Variants in AXDND1 observed in about 807,000 individuals in gnomAD.
AXDND1 encodes the protein axonemal dynein light chain domain-containing protein 1.
In AXDND1, 110 loss-of-function variants were observed where a neutral mutation model predicts 137.5. The observed-to-expected ratio is 0.80, with a 90% CI of 0.69 to 0.94. The LOEUF is 0.94. Ranked by LOEUF, AXDND1 falls within the 40% of genes least tolerant of loss-of-function variation. The pLI is 0.00. For missense variants in AXDND1, 1,191 were observed against 1,169.8 expected, an observed-to-expected ratio of 1.02 and a Z score of -0.26; for synonymous variants, 414 against 399.7, an observed-to-expected ratio of 1.04 and a Z score of -0.43.
chr1:179,383,366 T>A, intron 7 of AXDND1, 76 bp from the exon 8 acceptor site: 1 of 1,046,352 alleles, frequency 9.6e-7, no homozygotes, highest in Non-Finnish European at 1.5e-6. Flanking sequence ...TCTTTACACA[T>A]ATTATATTCT....
intron 12 of AXDND1, among the ~76,000 whole-genome samples, chr1:179,427,815 A>T (rs952627140): frequency 2.6e-5 from 4 of 152,194 alleles, no homozygotes; most frequent in Admixed American, 1.3e-4. Context: ...CACATAGCTA[A>T]TAAATGGTGA....
chr1:179,510,126 C>T (rs1668894335), intron 21 of AXDND1, among the ~76,000 whole-genome samples: 1 of 152,126 alleles, frequency 6.6e-6, no homozygotes, highest in Non-Finnish European at 1.5e-5. Flanking sequence ...TAGAGTTTCA[C>T]CCTTTTCTGC....
chr1:179,552,828 A>C, intron 25 of AXDND1: 1 of 699,724 alleles, frequency 1.4e-6, no homozygotes, highest in East Asian at 2.7e-5. Context: ...TAGACTTCTG[A>C]GGTCAAAAGT....
rs150977148 is a variant in AXDND1 at position 179,474,812 on chromosome 1, C to T, written c.1997+6171C>T. ...GTAATGAGAAACTGAGTGTTCATAG[C>T]CAAGTCAATGGGGAAAATATCTCCA... On this transcript the variant is annotated intron_variant, in intron 17 of 25. Coordinates refer to ENST00000367618, the MANE Select transcript of AXDND1 (RefSeq NM_144696.6). Among the ~76,000 whole-genome samples, 92 of 152,326 alleles carry T rather than the reference C, an allele frequency of 6.0e-4. 1 individual carries two copies. The East Asian group carries it at 0.015, about 25-fold the overall frequency.
chr1:179,525,503 A>G (rs1670448371), intron 22 of AXDND1, 56 bp downstream of exon 22: 4 of 1,497,658 alleles, frequency 2.7e-6, no homozygotes, highest in Non-Finnish European at 3.6e-6. Flanking sequence ...ATACATACAT[A>G]CATATATTTT....
chr1:179,490,501 A>G (rs1166482155), intron 18 of AXDND1, among the ~76,000 whole-genome samples: 1 of 152,240 alleles, frequency 6.6e-6, no homozygotes, highest in African/African-American at 2.4e-5. Flanking sequence ...GCCAAAAGAA[A>G]TACCTCACAG....
intron 7 of AXDND1, 57 bp from the exon 8 acceptor site, chr1:179,383,385 T>C (rs758359644): frequency 3.1e-6 from 4 of 1,302,406 alleles, no homozygotes; most frequent in Non-Finnish European, 4.4e-6. Flanking sequence ...CTTTTTGCCA[T>C]TTGAGAATTC....
intron 12 of AXDND1, among the ~76,000 whole-genome samples, chr1:179,421,427 G>A (rs1162765467): frequency 7.6e-6 from 1 of 131,198 alleles, no homozygotes; most frequent in Admixed American, 8.5e-5. Flanking sequence ...CACCCAGGCT[G>A]TAGTGTAGTG....
chr1:179,445,133 A>G lies in AXDND1; in HGVS notation c.1727A>G (p.Tyr576Cys). The change falls in exon 16 of 26, where the codon TAC (tyrosine) becomes TGC (cysteine). Residue 576 changes from tyrosine to cysteine, a missense_variant. Coordinates refer to ENST00000367618, the MANE Select transcript of AXDND1 (RefSeq NM_144696.6). ...LEGEMPSERQ[Y>C]MEEIIKNIQK... The stretch of plus-strand genomic sequence containing the variant: ...GGGGAGATGCCATCAGAGCGACAGT[A>G]CATGGAGGAAATTATCAAAAACATA... The G allele has an allele frequency of 6.2e-7, 1 of 1,612,770 alleles. No individual in the cohort carries two copies. The highest frequency in any genetic ancestry group is 8.5e-7 in the Non-Finnish European group (1 of 1,179,124).
chr1:179,462,541 C>T (rs201643788), intron 16 of AXDND1, among the ~76,000 whole-genome samples: 4 of 152,152 alleles, frequency 2.6e-5, no homozygotes, highest in African/African-American at 9.7e-5. Context: ...GCTTTGGTAT[C>T]AGGATGATTC....
chr1:179,509,869 C>T (rs1236933970), intron 21 of AXDND1, among the ~76,000 whole-genome samples: 1 of 152,126 alleles, frequency 6.6e-6, no homozygotes, highest in Admixed American at 6.5e-5. Context: ...TCATTTCTCC[C>T]ATCCTAAGAA....
chr1:179,516,939 G>A (rs954864498), intron 21 of AXDND1, among the ~76,000 whole-genome samples: 6 of 152,282 alleles, frequency 3.9e-5, no homozygotes, highest in East Asian at 1.9e-4. Flanking sequence ...GTCTCCTGCC[G>A]GGAGGTGGCA....
chr1:179,500,093 G>C (rs1264845835), intron 20 of AXDND1, among the ~76,000 whole-genome samples: 1 of 151,952 alleles, frequency 6.6e-6, no homozygotes, highest in East Asian at 1.9e-4. Flanking sequence ...GTTCAAGAAA[G>C]GGAAATTATA....
At position 179,420,619 on chromosome 1, in the gene AXDND1, A is replaced by T. The variant is rs1655531434; in HGVS notation, c.1231-8899A>T. ...TATGGCTTTGATCTCATTACTTGTT[A>T]TTGGTTTATTGAGGTTTTCCTTTTT... is the stretch of plus-strand genomic sequence containing the variant. On this transcript the variant is annotated intron_variant, in intron 12 of 25. Transcript: ENST00000367618. Among the ~76,000 whole-genome samples, 3 of 146,220 alleles carry T rather than the reference A, an allele frequency of 2.1e-5. No individual in the cohort carries two copies. The Admixed American group carries it at 2.1e-4, about 10-fold the overall frequency.
intron 12 of AXDND1, among the ~76,000 whole-genome samples, chr1:179,422,983 C>T (rs777197992): frequency 1.5e-4 from 23 of 152,052 alleles, no homozygotes; most frequent in African/African-American, 3.1e-4. Context: ...AGGCTGGTCT[C>T]GAACTCCTGA....
chr1:179,514,230 A>G (rs1372227076), intron 21 of AXDND1, among the ~76,000 whole-genome samples: 1 of 152,128 alleles, frequency 6.6e-6, no homozygotes, highest in Non-Finnish European at 1.5e-5. Flanking sequence ...TTCTCTTAGC[A>G]CAGCCTTTGC....
intron 17 of AXDND1, among the ~76,000 whole-genome samples, chr1:179,476,271 C>A (rs1250495397): frequency 6.6e-6 from 1 of 152,076 alleles, no homozygotes; most frequent in Admixed American, 6.6e-5. Context: ...GAGTTTGCTC[C>A]CATCCACCTC....
chr1:179,403,766 G>GT (rs1652490442), intron 11 of AXDND1, among the ~76,000 whole-genome samples: 3 of 152,238 alleles, frequency 2.0e-5, no homozygotes, highest in African/African-American at 7.2e-5. Context: ...TAGAGACAGG[G>GT]TATTGCCATG....
chr1:179,499,092 G>T (rs1398144049), intron 20 of AXDND1, among the ~76,000 whole-genome samples: 2 of 152,042 alleles, frequency 1.3e-5, no homozygotes, highest in African/African-American at 4.8e-5. Context: ...CATACCAAAA[G>T]AAAATAAATC....
Sources: gnomAD v4.1 joint callset for allele counts (sites outside exome capture counted in the v4.1 genomes callset) on GRCh38, gnomAD v4.1.1 for gene constraint, MANE v1.5 for transcripts, NCBI Gene and HGNC (gene_info 2026-07-23, HGNC 2026-07-21) for gene names.